The following P3H2 variants were observed in gnomAD, a reference collection of about 807,000 sequenced individuals.
The protein encoded by P3H2 is prolyl 3-hydroxylase 2, also known as leprecan-like 1.
In P3H2, 80 loss-of-function variants were observed where a neutral mutation model predicts 87.0. That is an observed-to-expected ratio of 0.92 (90% CI 0.77 to 1.11). P3H2 has a LOEUF of 1.11. P3H2 is among the 50% of genes least tolerant of loss of function. The pLI is 0.00. For synonymous variants in P3H2, 367 were observed against 359.3 expected (o/e 1.02, Z -0.24); for missense variants, 1,001 against 923.9 (o/e 1.08, Z -1.08).
Position 190,087,302 on chromosome 3 carries a change from C to T in P3H2, c.480+32950G>A, listed in dbSNP as rs180767985. The stretch of plus-strand genomic sequence containing the variant: ...CTGTAATCCCAGCACTTTGGGAGGC[C>T]GAGGAGGGCAAATCACAAGGTCAGG... On this transcript the variant is annotated intron_variant, in intron 1 of 14. Transcript: ENST00000319332. Among the ~76,000 whole-genome samples, 705 of 151,880 alleles carry T rather than the reference C, an allele frequency of 4.6e-3. 3 individuals carry two copies. The highest frequency in any genetic ancestry group is 7.0e-3 in the Non-Finnish European group (479 of 67,956).
chr3:190,013,210 T>C lies in P3H2; in HGVS notation c.481-17768A>G, dbSNP rs112264977. ...GGGAGGGCTACACAGTAAATACACA[T>C]GACAATGATCAGGTGATGAGTCAAG... On this transcript the variant is annotated intron_variant, in intron 1 of 14. Transcript: ENST00000319332. Among the ~76,000 whole-genome samples, 407 of 152,310 alleles carry C rather than the reference T, an allele frequency of 2.7e-3. 1 individual carries two copies. The highest frequency in any genetic ancestry group is 9.1e-3 in the African/African-American group (377 of 41,568).
intron 8 of P3H2, among the ~76,000 whole-genome samples, 184 bp downstream of exon 8, chr3:189,982,862 A>G (rs1723578764): frequency 6.6e-6 from 1 of 152,092 alleles, no homozygotes; most frequent in Non-Finnish European, 1.5e-5. Flanking sequence ...ACCCATGGTA[A>G]TAATACACAA....
At chr3:190,095,672 C>T (rs993023592) in intron 1 of P3H2, among the ~76,000 whole-genome samples, 2 of 150,166 alleles carry the variant, frequency 1.3e-5, no homozygotes, top group Admixed American at 1.3e-4. Context: ...GTGATCTCGG[C>T]TCACTGCAAG....
At chr3:189,958,085 G>A (rs1722696239) in intron 14 of P3H2, 81 bp from the exon 15 acceptor site, 2 of 995,774 alleles carry the variant, frequency 2.0e-6, no homozygotes, top group Non-Finnish European at 3.2e-6. Flanking sequence ...AACACTTCCT[G>A]GCATCCATCT....
chr3:189,994,752 A>C (rs1435265620), intron 2 of P3H2, among the ~76,000 whole-genome samples: 2 of 144,840 alleles, frequency 1.4e-5, no homozygotes, highest in Non-Finnish European at 3.2e-5. Context: ...GTGATGTCAA[A>C]AATTAAAAAA....
At chr3:190,034,137 A>T (rs1363036284) in intron 1 of P3H2, among the ~76,000 whole-genome samples, 3 of 152,250 alleles carry the variant, frequency 2.0e-5, no homozygotes, top group African/African-American at 7.2e-5. Flanking sequence ...ATATAAAGAC[A>T]TCTAAAAATG....
intron 4 of P3H2, 106 bp from the exon 5 acceptor site, chr3:189,987,775 A>C: frequency 7.8e-7 from 1 of 1,281,752 alleles, no homozygotes; most frequent in Non-Finnish European, 1.1e-6. Flanking sequence ...AAACATGAAT[A>C]AGAGGGAAGA....
At chr3:189,961,704 T>C (rs1193400817) in intron 14 of P3H2, among the ~76,000 whole-genome samples, 2 of 152,236 alleles carry the variant, frequency 1.3e-5, no homozygotes, top group African/African-American at 4.8e-5. Context: ...GAAAAAGTTC[T>C]GGTCATTTCC....
chr3:190,050,886 A>G (rs1165627739), intron 1 of P3H2, among the ~76,000 whole-genome samples: 4 of 152,186 alleles, frequency 2.6e-5, no homozygotes, highest in African/African-American at 9.7e-5. Flanking sequence ...TCATTACTTG[A>G]TACCAAGTAA....
intron 1 of P3H2, among the ~76,000 whole-genome samples, chr3:190,012,665 T>C (rs953292254): frequency 1.3e-5 from 2 of 152,168 alleles, no homozygotes; most frequent in African/African-American, 4.8e-5. Context: ...TAAACATCAT[T>C]TCCTCTGCTA....
intron 14 of P3H2, among the ~76,000 whole-genome samples, chr3:189,961,099 C>T (rs1306835977): frequency 6.6e-6 from 1 of 152,094 alleles, no homozygotes; most frequent in Non-Finnish European, 1.5e-5. Flanking sequence ...TGCCACCATG[C>T]CTGGCTAATT....
intron 1 of P3H2, among the ~76,000 whole-genome samples, chr3:190,022,978 C>A (rs1432491470): frequency 6.6e-6 from 1 of 152,102 alleles, no homozygotes; most frequent in Non-Finnish European, 1.5e-5. Flanking sequence ...AGGCACCCAC[C>A]ACCACGCCTG....
intron 1 of P3H2, among the ~76,000 whole-genome samples, chr3:190,012,000 G>A (rs1724604520): frequency 6.6e-6 from 1 of 152,014 alleles, no homozygotes; most frequent in African/African-American, 2.4e-5. Context: ...ACAAACATAT[G>A]TGTGGTATAT....
chr3:189,972,801 A>G (rs1035150040), intron 11 of P3H2, 73 bp downstream of exon 11: 1 of 1,496,052 alleles, frequency 6.7e-7, no homozygotes, highest in South Asian at 1.1e-5. Flanking sequence ...CATGCTGTTG[A>G]GCTTTGTTTT....
At chr3:190,094,348 A>C (rs1208475078) in intron 1 of P3H2, among the ~76,000 whole-genome samples, 2 of 152,232 alleles carry the variant, frequency 1.3e-5, no homozygotes, top group Admixed American at 6.5e-5. Flanking sequence ...TTCTTGCAGA[A>C]GGCATTCCTT....
At chr3:190,031,371 C>A (rs1175059875) in intron 1 of P3H2, among the ~76,000 whole-genome samples, 1 of 56,654 alleles carries the variant, frequency 1.8e-5, no homozygotes, top group Non-Finnish European at 3.7e-5. Context: ...GGCATGAGGT[C>A]TCATGCCTGT....
chr3:190,070,447 T>C (rs1726663681), intron 1 of P3H2, among the ~76,000 whole-genome samples: 1 of 152,114 alleles, frequency 6.6e-6, no homozygotes, highest in Non-Finnish European at 1.5e-5. Flanking sequence ...ATCAAGTCAG[T>C]TCCTGAAGTC....
chr3:190,090,012 CTG>C (rs900463418), intron 1 of P3H2, among the ~76,000 whole-genome samples: 22 of 152,066 alleles, frequency 1.4e-4, no homozygotes, highest in African/African-American at 5.3e-4. Flanking sequence ...GGTTTGGTGT[CTG>C]TGTCATGAAG....
intron 1 of P3H2, among the ~76,000 whole-genome samples, chr3:190,107,365 T>A (rs957921051): frequency 6.6e-6 from 1 of 152,218 alleles, no homozygotes; most frequent in Non-Finnish European, 1.5e-5. Context: ...AAGATTTTCT[T>A]CTTGTTGCGC....
Sources: gnomAD v4.1 joint callset for allele counts (sites outside exome capture counted in the v4.1 genomes callset) on GRCh38, gnomAD v4.1.1 for gene constraint, MANE v1.5 for transcripts, NCBI Gene and HGNC (gene_info 2026-07-23, HGNC 2026-07-21) for gene names.